Variants in CDC14B observed in about 807,000 individuals in gnomAD.
CDC14B encodes the protein cell division cycle 14B.
Under a neutral mutation model 64.2 loss-of-function variants are expected in CDC14B, and 22 were observed. The ratio of observed to expected loss-of-function variants is 0.34; its 90% CI spans 0.24 to 0.49. The LOEUF is 0.49. CDC14B is among the 20% of genes least tolerant of loss of function. The pLI is 0.99. For missense variants in CDC14B, 498 were observed against 629.9 expected (o/e 0.79, Z 2.24); for synonymous variants, 191 against 215.8 (o/e 0.89, Z 1.01).
chr9:96,565,556 T>C (rs756013126), intron 1 of CDC14B, 73 bp from the exon 2 acceptor site: 2 of 961,714 alleles, frequency 2.1e-6, no homozygotes, highest in African/African-American at 3.2e-5. Context: ...ACACAACTCT[T>C]TTCAGATGAA....
chr9:96,556,761 TG>T (rs1364934668), intron 4 of CDC14B, among the ~76,000 whole-genome samples: 3 of 152,090 alleles, frequency 2.0e-5, no homozygotes, highest in Non-Finnish European at 4.4e-5. Context: ...AAAAAAATCT[TG>T]ATTTTTTAAA....
chr9:96,561,610 C>G (rs1843207974), intron 4 of CDC14B, among the ~76,000 whole-genome samples: 1 of 151,974 alleles, frequency 6.6e-6, no homozygotes. Context: ...TCCCAAGTAG[C>G]TGGGACTACA....
chr9:96,609,156 G>T lies in CDC14B; in HGVS notation c.160+10063C>A, dbSNP rs538466105. Among the ~76,000 whole-genome samples, 9 of 152,144 alleles carry T rather than the reference G, an allele frequency of 5.9e-5. No homozygotes were observed. The East Asian group carries it at 1.5e-3, about 26-fold the overall frequency. ...ATTTTGTATTTTTAGTAGAGATGGG[G>T]TATCACCATGTTGACCAGGCTGGCC... On this transcript the variant is annotated intron_variant, in intron 1 of 13. Coordinates refer to ENST00000375241, the MANE Select transcript of CDC14B (RefSeq NM_033331.4).
chr9:96,565,696 G>A (rs1451926400), intron 1 of CDC14B, among the ~76,000 whole-genome samples: 7 of 152,118 alleles, frequency 4.6e-5, no homozygotes, highest in East Asian at 3.9e-4. Flanking sequence ...GCCTTTAACC[G>A]TAAGTTTCAA....
intron 7 of CDC14B, chr9:96,538,709 C>G (rs1027315223): frequency 1.0e-5 from 2 of 198,486 alleles, no homozygotes; most frequent in Non-Finnish European, 2.0e-5. Flanking sequence ...GGTAACAGAG[C>G]GAGACTTGGT....
chr9:96,584,601 G>A (rs1005642903), intron 1 of CDC14B, among the ~76,000 whole-genome samples: 2 of 152,136 alleles, frequency 1.3e-5, no homozygotes, highest in Non-Finnish European at 2.9e-5. Context: ...AAAAAGATAA[G>A]TAAGTGTCTA....
At chr9:96,596,845 G>T (rs1846113136) in intron 1 of CDC14B, among the ~76,000 whole-genome samples, 1 of 150,650 alleles carries the variant, frequency 6.6e-6, no homozygotes, top group Non-Finnish European at 1.5e-5. Context: ...GACGGCAGAT[G>T]GAGACCTTCT....
chr9:96,523,183 C>T lies in CDC14B; in HGVS notation c.1245+78G>A, dbSNP rs570556255. 4.0e-5 allele frequency: 58 copies of T among 1,436,162 alleles called. No individual in the cohort carries two copies. In the East Asian group the frequency reaches 5.0e-4, roughly 12 times the overall value. 89.0% of individuals were successfully genotyped at this position (1,436,162 alleles called of 1,614,324 possible). ...AAGAGCTGCTTTATTATTTTACCTA[C>T]GGTTTTCTCCATACCCTGACAGGTT... On this transcript the variant is annotated intron_variant, in intron 11 of 13. Coordinates refer to ENST00000375241, the MANE Select transcript of CDC14B (RefSeq NM_033331.4).
chr9:96,602,057 TCAAAAA>T (rs879367659), intron 1 of CDC14B, among the ~76,000 whole-genome samples: 30 of 152,154 alleles, frequency 2.0e-4, no homozygotes, highest in Non-Finnish European at 2.9e-4. Flanking sequence ...AGACTCAGTC[TCAAAAA>T]CAAAAACAAA....
downstream of CDC14B, among the ~76,000 whole-genome samples, chr9:96,499,010 C>A (rs373173068): frequency 6.6e-6 from 1 of 152,222 alleles, no homozygotes; most frequent in East Asian, 1.9e-4. Flanking sequence ...TCAAACAATG[C>A]CTCCAAGCCG....
intron 1 of CDC14B, among the ~76,000 whole-genome samples, chr9:96,588,967 C>T (rs917192508): frequency 2.0e-5 from 3 of 152,180 alleles, no homozygotes; most frequent in Middle Eastern, 3.4e-3. Context: ...TTATCATAGA[C>T]AAAATACCAC....
chr9:96,590,596 A>G (rs1845727103), intron 1 of CDC14B, among the ~76,000 whole-genome samples: 2 of 152,002 alleles, frequency 1.3e-5, no homozygotes, highest in Admixed American at 6.6e-5. Flanking sequence ...CATTCCCACC[A>G]AAAGTGTACA....
intron 1 of CDC14B, among the ~76,000 whole-genome samples, chr9:96,593,987 A>G (rs562826964): frequency 2.2e-4 from 34 of 152,364 alleles, no homozygotes; most frequent in Admixed American, 8.5e-4. Context: ...AAAACAAAAA[A>G]TCTGTAACAA....
intron 9 of CDC14B, among the ~76,000 whole-genome samples, chr9:96,530,864 T>C (rs1267793690): frequency 6.6e-6 from 1 of 152,224 alleles, no homozygotes; most frequent in Non-Finnish European, 1.5e-5. Flanking sequence ...ACTGTGTTTT[T>C]ATCACAAAAG....
intron 1 of CDC14B, among the ~76,000 whole-genome samples, chr9:96,597,044 G>C (rs1434309237): frequency 6.6e-6 from 1 of 151,996 alleles, no homozygotes; most frequent in Non-Finnish European, 1.5e-5. Flanking sequence ...CCAATCTCAA[G>C]CACACGAAAC....
At chr9:96,517,513 G>A (rs893247077) in intron 12 of CDC14B, among the ~76,000 whole-genome samples, 4 of 149,296 alleles carry the variant, frequency 2.7e-5, no homozygotes, top group East Asian at 2.0e-4. Context: ...TTAGCCGGGC[G>A]TGGTGGCAGG....
chr9:96,586,430 C>T (rs183834308), intron 1 of CDC14B, among the ~76,000 whole-genome samples: 96 of 152,162 alleles, frequency 6.3e-4, no homozygotes, highest in African/African-American at 2.3e-3. Context: ...CTGCAAAAGA[C>T]GTTTACTTAA....
At chr9:96,586,848 A>C (rs1393493158) in intron 1 of CDC14B, among the ~76,000 whole-genome samples, 1 of 149,994 alleles carries the variant, frequency 6.7e-6, no homozygotes, top group Non-Finnish European at 1.5e-5. Flanking sequence ...TATCAACCCC[A>C]CTACTTTAAA....
At chr9:96,522,748 T>C in intron 11 of CDC14B, 145 bp from the exon 12 acceptor site, 1 of 629,026 alleles carries the variant, frequency 1.6e-6, no homozygotes, top group Admixed American at 2.6e-5. Context: ...AAGCTTCAGG[T>C]GACATTTTAA....
Sources: gnomAD v4.1 joint callset for allele counts (sites outside exome capture counted in the v4.1 genomes callset) on GRCh38, gnomAD v4.1.1 for gene constraint, MANE v1.5 for transcripts, NCBI Gene and HGNC (gene_info 2026-07-23, HGNC 2026-07-21) for gene names.